MUSK: variants seen among roughly 807,000 people sequenced by gnomAD.
MUSK encodes the protein muscle associated receptor tyrosine kinase.
In MUSK, 55 loss-of-function variants were observed where a neutral mutation model predicts 88.7. The ratio of observed to expected loss-of-function variants is 0.62; its 90% CI spans 0.50 to 0.78. The LOEUF (loss-of-function observed/expected upper bound fraction) is 0.78. Ranked by LOEUF, MUSK falls within the 30% of genes least tolerant of loss-of-function variation. The pLI, the probability that MUSK is intolerant of heterozygous loss-of-function variation, is 0.00. For synonymous variants in MUSK, 387 were observed against 391.9 expected, an observed-to-expected ratio of 0.99 and a Z score of 0.15; for missense variants, 1,015 against 1,074.3, an observed-to-expected ratio of 0.94 and a Z score of 0.77.
intron 14 of MUSK, 32 bp downstream of exon 14, chr9:110,787,870 A>G (rs370472620): frequency 3.1e-6 from 5 of 1,589,228 alleles, no homozygotes; most frequent in African/African-American, 2.7e-5. Context: ...TATGTATTTC[A>G]TCAGAAAACA....
In MUSK at chr9:110,695,424, C is replaced by A; in HGVS notation, c.380C>A (p.Pro127His). 1.3e-6 allele frequency: 2 copies of A among 1,524,770 alleles called. No individual in the cohort carries two copies. The highest frequency in any genetic ancestry group is 1.8e-6 in the Non-Finnish European group (2 of 1,123,468). The allele number at this position is 1,524,770 out of a possible 1,614,324, so 94.5% of individuals were successfully genotyped here. ...VKMKPKITRP[P>H]INVKIIEGLK... Reference sequence around the variant, plus strand: ...TTAGAACCTAAAATAACTCGTCCTCCCATAAATGTGAAAATAATAGAGGGA... The same window carrying A: ...TTAGAACCTAAAATAACTCGTCCTCACATAAATGTGAAAATAATAGAGGGA... Residue 127 changes from proline to histidine, a missense_variant, in exon 4 of 15, where the codon CCC (proline) becomes CAC (histidine). Coordinates refer to ENST00000374448, the MANE Select transcript of MUSK (RefSeq NM_005592.4).
At chr9:110,680,420 A>G (rs952732337) in intron 1 of MUSK, among the ~76,000 whole-genome samples, 2 of 137,438 alleles carry the variant, frequency 1.5e-5, no homozygotes, top group African/African-American at 5.6e-5. Flanking sequence ...GTCTCCCTCT[A>G]TCACTCAGGC....
intron 9 of MUSK, among the ~76,000 whole-genome samples, chr9:110,769,518 G>A (rs959408323): frequency 4.6e-5 from 7 of 152,084 alleles, no homozygotes; most frequent in African/African-American, 1.7e-4. Context: ...GTGAGGGGCA[G>A]TAAAATTTGT....
At chr9:110,743,991 T>G (rs1587981547) in intron 6 of MUSK, among the ~76,000 whole-genome samples, 1 of 151,952 alleles carries the variant, frequency 6.6e-6, no homozygotes, top group East Asian at 1.9e-4. Context: ...TTCCCCAAGA[T>G]GGAGTCTTGC....
chr9:110,756,768 T>C (rs1388835514), intron 7 of MUSK, among the ~76,000 whole-genome samples: 6 of 152,160 alleles, frequency 3.9e-5, no homozygotes, highest in African/African-American at 1.4e-4. Context: ...TGTCTGGTTA[T>C]AGGGCCTACA....
intron 5 of MUSK, 110 bp downstream of exon 5, chr9:110,697,576 C>A: frequency 1.8e-6 from 2 of 1,120,760 alleles, no homozygotes; most frequent in Non-Finnish European, 2.4e-6. Context: ...CCACTTCCCT[C>A]AGTTGTTCCA....
chr9:110,726,377 A>G (rs915041581), intron 5 of MUSK, among the ~76,000 whole-genome samples: 1 of 152,044 alleles, frequency 6.6e-6, no homozygotes, highest in Non-Finnish European at 1.5e-5. Flanking sequence ...AATAACATCA[A>G]ACTGAAAAAT....
At chr9:110,764,603 TTAGATAGA>T (rs57464436) in intron 8 of MUSK, among the ~76,000 whole-genome samples, 1,960 of 149,104 alleles carry the variant, frequency 0.013, 17 homozygotes, top group South Asian at 0.031. Flanking sequence ...GATAGATAGA[TTAGATAGA>T]TAGATAGATA....
At chr9:110,697,664 A>G (rs2076450883) in intron 5 of MUSK, among the ~76,000 whole-genome samples, 198 bp downstream of exon 5, 1 of 152,200 alleles carries the variant, frequency 6.6e-6, no homozygotes, top group Admixed American at 6.5e-5. Context: ...ACTAGTATAA[A>G]AGGTCATATT....
chr9:110,797,162 CAAAAAAAAAAAAAAAA>C (rs34924295), intron 14 of MUSK, among the ~76,000 whole-genome samples: 1 of 16,808 alleles, frequency 5.9e-5, no homozygotes, highest in African/African-American at 2.2e-4. Flanking sequence ...CATGAATACC[CAAAAAAAAAAAAAAAA>C]AAAAAAAAAA....
chr9:110,669,750 TG>T (rs1439617947), intron 1 of MUSK, among the ~76,000 whole-genome samples: 1 of 152,160 alleles, frequency 6.6e-6, no homozygotes, highest in Non-Finnish European at 1.5e-5. Context: ...TCAGAAAGAC[TG>T]GAAAGTCTGT....
intron 7 of MUSK, among the ~76,000 whole-genome samples, chr9:110,756,879 T>C (rs574877647): frequency 2.0e-5 from 3 of 152,212 alleles, no homozygotes; most frequent in African/African-American, 7.2e-5. Flanking sequence ...ACATATTTCC[T>C]ACGTGTGTGT....
chr9:110,774,892 CTCTT>C (rs1368481744), intron 9 of MUSK, among the ~76,000 whole-genome samples: 101 of 100,410 alleles, frequency 1.0e-3, no homozygotes, highest in African/African-American at 4.2e-3. Flanking sequence ...CACACACACA[CTCTT>C]ACAATTTCCT....
At chr9:110,784,547 T>G (rs2132021477) in intron 11 of MUSK, among the ~76,000 whole-genome samples, 1 of 150,946 alleles carries the variant, frequency 6.6e-6, no homozygotes, top group East Asian at 2.0e-4. Flanking sequence ...TATGATTCAG[T>G]ATAAATGGCA....
At chr9:110,679,071 A>G (rs2076071028) in intron 1 of MUSK, among the ~76,000 whole-genome samples, 2 of 151,984 alleles carry the variant, frequency 1.3e-5, no homozygotes, top group Non-Finnish European at 1.5e-5. Flanking sequence ...GTATTCTGTA[A>G]TTGTTTCATT....
At chr9:110,680,535 C>T (rs1050677228) in intron 1 of MUSK, among the ~76,000 whole-genome samples, 2 of 151,726 alleles carry the variant, frequency 1.3e-5, no homozygotes, top group African/African-American at 2.4e-5. Context: ...AGGTGTGCAC[C>T]ACCATGTCCA....
intron 6 of MUSK, among the ~76,000 whole-genome samples, chr9:110,739,873 T>A (rs2077075170): frequency 6.6e-6 from 1 of 152,190 alleles, no homozygotes; most frequent in South Asian, 2.1e-4. Context: ...AACTGGTGGC[T>A]ATTTTCAGTT....
intron 7 of MUSK, chr9:110,748,023 A>G: frequency 1.5e-6 from 1 of 684,318 alleles, no homozygotes; most frequent in Non-Finnish European, 2.7e-6. Context: ...CCCAAGTGGT[A>G]GGTAACAGCT....
chr9:110,726,005 A>G (rs919930531), intron 5 of MUSK, among the ~76,000 whole-genome samples: 5 of 152,022 alleles, frequency 3.3e-5, no homozygotes, highest in African/African-American at 1.2e-4. Context: ...GCGAATAACT[A>G]TACCTGAGCT....
Sources: allele counts gnomAD v4.1 joint callset (sites outside exome capture counted in the v4.1 genomes callset), GRCh38; gene constraint gnomAD v4.1.1; transcripts MANE v1.5; gene names NCBI Gene and HGNC (gene_info 2026-07-23, HGNC 2026-07-21).